The following SAMMSON variants were observed in gnomAD, a reference collection of about 807,000 sequenced individuals.
SAMMSON encodes long intergenic non-protein coding RNA 1212.
intron 4 of SAMMSON, among the ~76,000 whole-genome samples, chr3:70,162,997 A>G (rs2067622114): frequency 6.6e-6 from 1 of 151,540 alleles, no homozygotes; most frequent in South Asian, 2.1e-4. Context: ...TGGTGTTCCT[A>G]TTTCTATTTT....
chr3:70,007,322 T>G (rs549025127), intron 1 of SAMMSON, among the ~76,000 whole-genome samples: 1 of 152,336 alleles, frequency 6.6e-6, no homozygotes, highest in Admixed American at 6.5e-5. Flanking sequence ...GTTTCCTGAC[T>G]TTTTAATGAT....
At chr3:70,029,665 G>C (rs927828066) in intron 3 of SAMMSON, among the ~76,000 whole-genome samples, 2 of 149,056 alleles carry the variant, frequency 1.3e-5, no homozygotes, top group African/African-American at 5.0e-5. Context: ...TGAGGCACAA[G>C]AATCACTTGA....
chr3:70,285,846 T>C (rs1049198403), intron 6 of SAMMSON, among the ~76,000 whole-genome samples: 3 of 152,166 alleles, frequency 2.0e-5, no homozygotes, highest in African/African-American at 7.2e-5. Flanking sequence ...TTTGGCTGCA[T>C]AAATGTCTTC....
chr3:70,286,775 A>G (rs1702168889), intron 6 of SAMMSON, among the ~76,000 whole-genome samples: 2 of 152,130 alleles, frequency 1.3e-5, no homozygotes, highest in East Asian at 1.9e-4. Flanking sequence ...GGTCCTTCAC[A>G]TCCCTTATAA....
intron 9 of SAMMSON, among the ~76,000 whole-genome samples, chr3:70,364,366 T>G (rs756612373): frequency 1.3e-5 from 2 of 151,908 alleles, no homozygotes; most frequent in Non-Finnish European, 2.9e-5. Flanking sequence ...ATAAAAATCT[T>G]TGGATTACAC....
chr3:70,347,456 A>G (rs1159493647), intron 7 of SAMMSON, among the ~76,000 whole-genome samples: 1 of 73,460 alleles, frequency 1.4e-5, no homozygotes, highest in African/African-American at 4.3e-5. Context: ...AAGGGAGTTT[A>G]TATTAACAAA....
chr3:70,023,163 T>C (rs1227792768), intron 3 of SAMMSON, among the ~76,000 whole-genome samples: 2 of 152,092 alleles, frequency 1.3e-5, no homozygotes, highest in Admixed American at 6.6e-5. Context: ...AGGAATCTTA[T>C]ATGTTTCTTT....
At chr3:70,367,528 T>G (rs974796183) in intron 9 of SAMMSON, among the ~76,000 whole-genome samples, 2 of 151,772 alleles carry the variant, frequency 1.3e-5, no homozygotes, top group Admixed American at 1.3e-4. Context: ...CCTCCAGGCT[T>G]ATCCATGTTG....
intron 9 of SAMMSON, among the ~76,000 whole-genome samples, chr3:70,370,428 G>C (rs1702958656): frequency 6.6e-6 from 1 of 152,050 alleles, no homozygotes; most frequent in African/African-American, 2.4e-5. Context: ...CCCATCAACA[G>C]TGTATAAGAC....
intron 2 of SAMMSON, among the ~76,000 whole-genome samples, chr3:70,409,793 G>A (rs1559583340): frequency 1.3e-5 from 2 of 152,060 alleles, no homozygotes; most frequent in Admixed American, 1.3e-4. Flanking sequence ...AGATAGATTT[G>A]TTCTTTTATT....
At chr3:70,062,159 G>T (rs369397241) in intron 3 of SAMMSON, among the ~76,000 whole-genome samples, 7 of 151,924 alleles carry the variant, frequency 4.6e-5, no homozygotes, top group Non-Finnish European at 1.0e-4. Context: ...TGAGACACCC[G>T]CATGGCCCGT....
At chr3:70,284,274 A>G (rs1702118196) in intron 6 of SAMMSON, among the ~76,000 whole-genome samples, 1 of 152,174 alleles carries the variant, frequency 6.6e-6, no homozygotes, top group African/African-American at 2.4e-5. Context: ...GCTAATCCCT[A>G]CGATTTATTT....
intron 3 of SAMMSON, among the ~76,000 whole-genome samples, chr3:70,053,691 A>G (rs938495759): frequency 6.6e-6 from 1 of 152,152 alleles, no homozygotes; most frequent in African/African-American, 2.4e-5. Context: ...TTCCCAGGGA[A>G]ACAGACCCTT....
At chr3:70,067,465 T>C (rs1293904971) in intron 3 of SAMMSON, among the ~76,000 whole-genome samples, 1 of 152,032 alleles carries the variant, frequency 6.6e-6, no homozygotes, top group East Asian at 1.9e-4. Flanking sequence ...TTGACTGTCA[T>C]TTGTACCAGA....
chr3:70,215,843 G>GGTTTCAGTT (rs1338812278), intron 4 of SAMMSON, among the ~76,000 whole-genome samples: 1 of 152,058 alleles, frequency 6.6e-6, no homozygotes, highest in Non-Finnish European at 1.5e-5. Flanking sequence ...AGTTGACAAT[G>GGTTTCAGTT]GACTCATCCT....
At chr3:70,185,409 A>G (rs1701084323) in intron 4 of SAMMSON, among the ~76,000 whole-genome samples, 1 of 152,080 alleles carries the variant, frequency 6.6e-6, no homozygotes, top group Non-Finnish European at 1.5e-5. Context: ...TTTCTTCCCT[A>G]TAATTAAGGG....
chr3:70,045,147 ATATTAAT>A (rs2067121482), intron 3 of SAMMSON, among the ~76,000 whole-genome samples: 2 of 131,204 alleles, frequency 1.5e-5, no homozygotes, highest in Non-Finnish European at 3.1e-5. Flanking sequence ...TAATTTATAT[ATATTAAT>A]TATAATATAT....
intron 7 of SAMMSON, among the ~76,000 whole-genome samples, chr3:70,320,825 G>A (rs1274775604): frequency 2.0e-5 from 3 of 152,006 alleles, no homozygotes; most frequent in Non-Finnish European, 2.9e-5. Context: ...CAGCTAGGGC[G>A]GCCTGTTTGG....
At chr3:70,133,884 C>T (rs1302929924) in intron 4 of SAMMSON, among the ~76,000 whole-genome samples, 13 of 152,080 alleles carry the variant, frequency 8.5e-5, no homozygotes, top group Admixed American at 7.9e-4. Context: ...TGGGTTCAGA[C>T]TGATGTGAGT....
Sources: gnomAD v4.1 joint callset for allele counts (sites outside exome capture counted in the v4.1 genomes callset) on GRCh38, gnomAD v4.1.1 for gene constraint, MANE v1.5 for transcripts, NCBI Gene and HGNC (gene_info 2026-07-23, HGNC 2026-07-21) for gene names.